Variants in PPP1R9A observed in about 807,000 individuals in gnomAD.
PPP1R9A encodes protein phosphatase 1 regulatory subunit 9A.
A neutral mutation model predicts 141.9 loss-of-function variants in PPP1R9A; 59 were observed. The ratio of observed to expected loss-of-function variants is 0.42; its 90% CI spans 0.34 to 0.52. The LOEUF (loss-of-function observed/expected upper bound fraction) is 0.52, where lower values mean the gene tolerates loss of function less well. PPP1R9A is among the 20% of genes least tolerant of loss of function. The probability of loss-of-function intolerance (pLI) is 0.10; values close to 1 mark genes in which losing one functional copy is unlikely to be tolerated. For synonymous variants in PPP1R9A, 500 were observed against 569.7 expected (o/e 0.88, Z 1.74); for missense variants, 1,444 against 1,611.9 (o/e 0.90, Z 1.78).
intron 2 of PPP1R9A, among the ~76,000 whole-genome samples, chr7:95,096,189 A>G (rs745770102): frequency 7.2e-5 from 11 of 152,174 alleles, no homozygotes; most frequent in Non-Finnish European, 1.2e-4. Flanking sequence ...TACAATGCAT[A>G]TATTTTACAT....
At chr7:95,081,680 G>A (rs1815859839) in intron 2 of PPP1R9A, among the ~76,000 whole-genome samples, 1 of 152,140 alleles carries the variant, frequency 6.6e-6, no homozygotes, top group African/African-American at 2.4e-5. Flanking sequence ...TGACATCAGC[G>A]GGAATGGTGG....
At position 95,094,775 on chromosome 7, in the gene PPP1R9A, G is replaced by C. The variant is rs1035504149; in HGVS notation, c.1396-16484G>C. ...TGCGCCTGTAATCCCAGCTACTTGG[G>C]AGGCTGAGGCAGGAGAATCGCTTGA... On this transcript the variant is annotated intron_variant, in intron 2 of 19. Coordinates refer to ENST00000433360, the MANE Select transcript of PPP1R9A (RefSeq NM_001166160.2). Among the ~76,000 whole-genome samples, 5 of 150,494 alleles carry C rather than the reference G, an allele frequency of 3.3e-5. No homozygotes were observed. The Admixed American group carries it at 3.3e-4, about 10-fold the overall frequency.
At chr7:95,013,152 A>G (rs1367335065) in intron 2 of PPP1R9A, among the ~76,000 whole-genome samples, 1 of 152,112 alleles carries the variant, frequency 6.6e-6, no homozygotes, top group Non-Finnish European at 1.5e-5. Flanking sequence ...GACCATTTTT[A>G]ATCTTGTGAG....
chr7:95,005,021 A>G (rs534594265), intron 2 of PPP1R9A, among the ~76,000 whole-genome samples: 3 of 152,320 alleles, frequency 2.0e-5, no homozygotes, highest in African/African-American at 7.2e-5. Context: ...GTAATTTTTC[A>G]TGGAAAAACT....
intron 8 of PPP1R9A, among the ~76,000 whole-genome samples, chr7:95,242,957 T>C (rs548768128): frequency 6.6e-6 from 1 of 152,276 alleles, no homozygotes; most frequent in East Asian, 1.9e-4. Context: ...CTTGGACCTG[T>C]ACTTTGAAAA....
intron 2 of PPP1R9A, among the ~76,000 whole-genome samples, chr7:94,985,770 G>A (rs73425019): frequency 2.7e-4 from 41 of 151,936 alleles, no homozygotes; most frequent in African/African-American, 9.9e-4. Context: ...ATGATTGAGG[G>A]CACTTGCCCC....
At chr7:95,046,278 A>C (rs1463825086) in intron 2 of PPP1R9A, among the ~76,000 whole-genome samples, 1 of 151,862 alleles carries the variant, frequency 6.6e-6, no homozygotes, top group East Asian at 1.9e-4. Flanking sequence ...ATGGGGTTTC[A>C]CCATGTTGAC....
intron 2 of PPP1R9A, 41 bp downstream of exon 2, chr7:94,911,549 T>TA (rs1791451525): frequency 6.7e-7 from 1 of 1,484,230 alleles, no homozygotes; most frequent in Admixed American, 1.8e-5. Flanking sequence ...AATTTGTTTT[T>TA]AGTACTAGGG....
At chr7:95,067,164 G>C (rs1305539460) in intron 2 of PPP1R9A, among the ~76,000 whole-genome samples, 1 of 152,146 alleles carries the variant, frequency 6.6e-6, no homozygotes, top group Non-Finnish European at 1.5e-5. Context: ...TTTGTCTGCT[G>C]TTTCTCAGAA....
At chr7:95,239,209 T>C (rs1797113103) in intron 8 of PPP1R9A, among the ~76,000 whole-genome samples, 1 of 152,154 alleles carries the variant, frequency 6.6e-6, no homozygotes. Flanking sequence ...TTGTTGTATT[T>C]TGTGTCTTAC....
Position 95,108,307 on chromosome 7 carries a change from C to CTTTTTTTTTTTTTTTTTTTTT in PPP1R9A, c.1396-2946_1396-2926dup, listed in dbSNP as rs1166103728. ...TTTTCTTTTCTTTTTCGTTTCTTTT[C>CTTTTTTTTTTTTTTTTTTTTT]TTTTTTTTTTTTTTTTTTTTTTTTT... On this transcript the variant is annotated intron_variant, in intron 2 of 19. Coordinates refer to ENST00000433360, the MANE Select transcript of PPP1R9A (RefSeq NM_001166160.2). 5.9e-4 allele frequency among the ~76,000 whole-genome samples: 35 copies of CTTTTTTTTTTTTTTTTTTTTT among 59,594 alleles called. 2 individuals carry two copies. Among genetic ancestry groups the CTTTTTTTTTTTTTTTTTTTTT allele is most frequent in the Non-Finnish European group, 7.7e-4 (25 of 32,484 alleles). The allele number at this position is 59,594 out of a possible 152,430, so 39.1% of individuals were successfully genotyped here.
chr7:95,134,460 T>G (rs1825262731), intron 4 of PPP1R9A, among the ~76,000 whole-genome samples: 1 of 152,122 alleles, frequency 6.6e-6, no homozygotes, highest in East Asian at 1.9e-4. Flanking sequence ...ATTCTGCACA[T>G]GTATTCACTC....
At chr7:95,159,925 CAAAAA>C (rs751687197) in intron 4 of PPP1R9A, among the ~76,000 whole-genome samples, 1 of 106,686 alleles carries the variant, frequency 9.4e-6, no homozygotes, top group Non-Finnish European at 1.9e-5. Flanking sequence ...GACATTGTCT[CAAAAA>C]AAAAAAAAAA....
At chr7:95,262,262 G>A (rs995005035) in intron 12 of PPP1R9A, among the ~76,000 whole-genome samples, 2 of 152,172 alleles carry the variant, frequency 1.3e-5, no homozygotes, top group Non-Finnish European at 2.9e-5. Context: ...TGATGTCATA[G>A]TTCTACTCAT....
intron 2 of PPP1R9A, among the ~76,000 whole-genome samples, chr7:95,023,746 G>A (rs796955063): frequency 2.8e-4 from 42 of 152,220 alleles, no homozygotes; most frequent in African/African-American, 9.6e-4. Flanking sequence ...TAGAGTTGGA[G>A]TTTCACCGTG....
chr7:95,099,576 GGAT>G (rs1193246781), intron 2 of PPP1R9A, among the ~76,000 whole-genome samples: 15 of 152,250 alleles, frequency 9.9e-5, no homozygotes, highest in Admixed American at 3.9e-4. Flanking sequence ...TCCAAATTCA[GGAT>G]GAGCTAAGTT....
intron 2 of PPP1R9A, among the ~76,000 whole-genome samples, chr7:95,109,838 A>AT (rs1820232197): frequency 6.6e-6 from 1 of 151,486 alleles, no homozygotes; most frequent in South Asian, 2.1e-4. Context: ...CCCTATCTCA[A>AT]TGAAAAAAAA....
intron 2 of PPP1R9A, among the ~76,000 whole-genome samples, chr7:94,936,689 T>G (rs1794807919): frequency 6.6e-6 from 1 of 151,856 alleles, no homozygotes; most frequent in African/African-American, 2.4e-5. Context: ...TGTGTTTGTG[T>G]ATATATTTTT....
At chr7:94,978,934 T>C (rs1014485153) in intron 2 of PPP1R9A, among the ~76,000 whole-genome samples, 1 of 152,132 alleles carries the variant, frequency 6.6e-6, no homozygotes, top group African/African-American at 2.4e-5. Flanking sequence ...GTAGCTAGGA[T>C]TACAGGCATG....
Sources: gnomAD v4.1 joint callset for allele counts (sites outside exome capture counted in the v4.1 genomes callset) on GRCh38, gnomAD v4.1.1 for gene constraint, MANE v1.5 for transcripts, NCBI Gene and HGNC (gene_info 2026-07-23, HGNC 2026-07-21) for gene names.